Variants in CASD1 observed in about 807,000 individuals in gnomAD.
CASD1 encodes the protein N-acetylneuraminate (7)9-O-acetyltransferase.
Under a neutral mutation model 100.0 loss-of-function variants are expected in CASD1, and 41 were observed. The observed-to-expected ratio is 0.41, with a 90% confidence interval of 0.32 to 0.53. The LOEUF (loss-of-function observed/expected upper bound fraction) is 0.53. Among genes scored for constraint, CASD1 ranks in the 20% least tolerant of loss-of-function variants. The pLI, the probability that CASD1 is intolerant of heterozygous loss-of-function variation, is 0.25. For missense variants in CASD1, 774 were observed against 948.7 expected, an observed-to-expected ratio of 0.82 and a Z score of 2.42; for synonymous variants, 321 against 315.6, an observed-to-expected ratio of 1.02 and a Z score of -0.18.
chr7:94,528,272 G>T, intron 5 of CASD1, 22 bp downstream of exon 5: 4 of 1,453,652 alleles, frequency 2.8e-6, no homozygotes, highest in African/African-American at 1.8e-5. Flanking sequence ...AAAAACATAG[G>T]CTTTTTTTTT....
chr7:94,541,998 T>C (rs193170202), intron 10 of CASD1, among the ~76,000 whole-genome samples: 23 of 152,280 alleles, frequency 1.5e-4, no homozygotes, highest in Admixed American at 1.3e-3. Flanking sequence ...GGAATAAATA[T>C]TACATGAAAG....
At chr7:94,577,422 A>G in the CASD1 span, among the ~76,000 whole-genome samples, 2 of 152,142 alleles carry the variant, frequency 1.3e-5, no homozygotes, top group African/African-American at 2.4e-5. Flanking sequence ...AATTAAACAG[A>G]TATTTTCTTA....
chr7:94,531,878 G>A (rs1794868530), intron 5 of CASD1, among the ~76,000 whole-genome samples: 1 of 152,012 alleles, frequency 6.6e-6, no homozygotes, highest in Admixed American at 6.6e-5. Flanking sequence ...TTACCTGGCA[G>A]GCCTCAGCAA....
intron 10 of CASD1, among the ~76,000 whole-genome samples, chr7:94,541,065 A>G (rs1010710838): frequency 6.6e-6 from 1 of 152,086 alleles, no homozygotes; most frequent in Admixed American, 6.6e-5. Context: ...ATTTTAAAAA[A>G]TCTGTGTTCT....
the CASD1 span, among the ~76,000 whole-genome samples, chr7:94,576,295 C>T: frequency 6.6e-6 from 1 of 152,156 alleles, no homozygotes; most frequent in African/African-American, 2.4e-5. Flanking sequence ...GATTGGGTTG[C>T]TCAAATCTTA....
rs1232193049 is a variant in CASD1 at position 94,537,589 on chromosome 7, A to G, written c.961A>G (p.Thr321Ala). The G allele has an allele frequency of 7.4e-6, 12 of 1,613,618 alleles. No individual in the cohort carries two copies. Among genetic ancestry groups the G allele is most frequent in the Non-Finnish European group, 8.5e-6 (10 of 1,179,822 alleles). ...LIQKLAACFF[T>A]LSIIGYLIFY... ...ACAGAAGCTAGCTGCTTGTTTTTTC[A>G]CTTTATCTATTATCGGATATTTAAT... Residue 321 changes from threonine (T) to alanine (A), a missense_variant, in exon 9 of 18, where the codon ACT becomes GCT. Around this residue, in one of 5 missense-constraint regions of CASD1, gnomAD observed 453 missense variants for 532.6 expected, o/e 0.85. Coordinates refer to ENST00000297273, the MANE Select transcript of CASD1 (RefSeq NM_022900.5).
At chr7:94,527,014 C>T (rs988361987) in intron 3 of CASD1, 148 bp from the exon 4 acceptor site, 25 of 606,592 alleles carry the variant, frequency 4.1e-5, no homozygotes, top group South Asian at 3.2e-4. Flanking sequence ...TTTTCCCTTT[C>T]GGGTTGAATG....
intron 1 of CASD1, among the ~76,000 whole-genome samples, chr7:94,510,868 A>C (rs1793671839): frequency 6.6e-6 from 1 of 152,252 alleles, no homozygotes; most frequent in African/African-American, 2.4e-5. Context: ...TTCGGAGTGC[A>C]CACTTTTTAC....
intron 10 of CASD1, among the ~76,000 whole-genome samples, chr7:94,541,398 T>G (rs1051106892): frequency 1.3e-4 from 20 of 151,918 alleles, no homozygotes; most frequent in Admixed American, 1.3e-3. Flanking sequence ...AAAATAATCC[T>G]TATGGTCTGA....
At chr7:94,534,216 G>A (rs911684438) in intron 7 of CASD1, among the ~76,000 whole-genome samples, 2 of 136,558 alleles carry the variant, frequency 1.5e-5, no homozygotes, top group African/African-American at 5.6e-5. Flanking sequence ...TCCCAGGTTG[G>A]AGTGCAGTAG....
intron 5 of CASD1, among the ~76,000 whole-genome samples, chr7:94,530,687 A>G (rs939918978): frequency 6.6e-6 from 1 of 152,126 alleles, no homozygotes. Context: ...AGTCTGAGCT[A>G]TTGAATGGAT....
the CASD1 span, chr7:94,623,241 T>C: frequency 1.2e-6 from 1 of 833,180 alleles, no homozygotes; most frequent in East Asian, 2.7e-5. Context: ...CATTTTAAAA[T>C]TCTTGACTAT....
chr7:94,624,338 T>C, the CASD1 span: 1 of 397,186 alleles, frequency 2.5e-6, no homozygotes, highest in African/African-American at 2.1e-5. Context: ...TTTTATACAT[T>C]ACATGTGTCA....
chr7:94,517,745 C>A, intron 2 of CASD1, 89 bp downstream of exon 2: 1 of 762,676 alleles, frequency 1.3e-6, no homozygotes, highest in Non-Finnish European at 2.2e-6. Context: ...CTTTTCATCT[C>A]TATGTTGGGG....
At chr7:94,549,460 A>T in intron 13 of CASD1, 73 bp from the exon 14 acceptor site, 2 of 1,025,354 alleles carry the variant, frequency 2.0e-6, no homozygotes, top group Non-Finnish European at 2.9e-6. Flanking sequence ...AGAAAACTAT[A>T]ATCTGTAATA....
the CASD1 span, among the ~76,000 whole-genome samples, chr7:94,566,463 G>GAA: frequency 1.3e-3 from 196 of 147,966 alleles, 4 homozygotes; most frequent in South Asian, 0.027. Context: ...GAGTCAAATT[G>GAA]AAAAAAAAAA....
downstream of CASD1, among the ~76,000 whole-genome samples, chr7:94,560,619 G>A (rs1020533075): frequency 4.6e-5 from 7 of 152,164 alleles, no homozygotes; most frequent in African/African-American, 1.7e-4. Flanking sequence ...TGGAATGGAT[G>A]CAAGAATATA....
chr7:94,574,463 A>G, the CASD1 span, among the ~76,000 whole-genome samples: 32 of 152,016 alleles, frequency 2.1e-4, no homozygotes, highest in Non-Finnish European at 3.7e-4. Flanking sequence ...TTGGGAGGAT[A>G]TATGTGTCCA....
chr7:94,630,633 T>C, the CASD1 span, among the ~76,000 whole-genome samples: 1 of 151,892 alleles, frequency 6.6e-6, no homozygotes, highest in Non-Finnish European at 1.5e-5. Flanking sequence ...TTGATTAGTT[T>C]CCACTTATTG....
Sources: allele counts gnomAD v4.1 joint callset (sites outside exome capture counted in the v4.1 genomes callset), GRCh38; gene constraint gnomAD v4.1.1; regional missense constraint gnomAD v4.1.1; transcripts MANE v1.5; gene names NCBI Gene and HGNC (gene_info 2026-07-23, HGNC 2026-07-21).